The following SLC8A1 variants were observed in gnomAD, a reference collection of about 807,000 sequenced individuals.
SLC8A1 encodes sodium/calcium exchanger 1.
SLC8A1 carries 18 observed loss-of-function variants against 68.3 expected under a neutral mutation model. The observed-to-expected ratio is 0.26, with a 90% confidence interval of 0.18 to 0.39. SLC8A1 has a LOEUF of 0.39. Among genes scored for constraint, SLC8A1 ranks in the 10% least tolerant of loss-of-function variants. SLC8A1 has a pLI of 1.00. For synonymous variants in SLC8A1, 475 were observed against 415.5 expected, an observed-to-expected ratio of 1.14 and a Z score of -1.74; for missense variants, 985 against 1,156.7, an observed-to-expected ratio of 0.85 and a Z score of 2.15.
intron 2 of SLC8A1, among the ~76,000 whole-genome samples, chr2:40,287,594 G>GTGTGTGTGTGTA (rs2068541638): frequency 7.1e-6 from 1 of 140,680 alleles, no homozygotes; most frequent in African/African-American, 3.2e-5. Context: ...GTGTGTGTGT[G>GTGTGTGTGTGTA]TGTGTGTGTG....
intron 1 of SLC8A1, among the ~76,000 whole-genome samples, chr2:40,449,712 A>G (rs1446851871): frequency 6.6e-6 from 1 of 152,180 alleles, no homozygotes; most frequent in Non-Finnish European, 1.5e-5. Context: ...ATAGAAAATA[A>G]GCCTTCATAT....
chr2:40,327,101 A>G (rs1271806432), intron 2 of SLC8A1, among the ~76,000 whole-genome samples: 1 of 152,260 alleles, frequency 6.6e-6, no homozygotes, highest in African/African-American at 2.4e-5. Flanking sequence ...CTTAAATTAT[A>G]TAATTTTAAT....
intron 2 of SLC8A1, among the ~76,000 whole-genome samples, chr2:40,381,637 G>A (rs989777693): frequency 6.6e-6 from 1 of 151,786 alleles, no homozygotes; most frequent in South Asian, 2.1e-4. Flanking sequence ...CTGTCCTATA[G>A]AACAGATGTT....
intron 2 of SLC8A1, among the ~76,000 whole-genome samples, chr2:40,425,199 T>A (rs1696533770): frequency 6.6e-6 from 1 of 151,898 alleles, no homozygotes; most frequent in Non-Finnish European, 1.5e-5. Flanking sequence ...TAAAATGTTT[T>A]GCTGAGAATA....
intron 2 of SLC8A1, among the ~76,000 whole-genome samples, chr2:40,292,897 A>G (rs77933473): frequency 0.032 from 4,900 of 152,266 alleles, 279 homozygotes; most frequent in African/African-American, 0.11. Flanking sequence ...CAGGTAGGGC[A>G]TAGAGAATAC....
chr2:40,119,008 C>G (rs892979946), intron 7 of SLC8A1, among the ~76,000 whole-genome samples: 5 of 152,068 alleles, frequency 3.3e-5, no homozygotes, highest in African/African-American at 1.2e-4. Context: ...ATCAAAGACT[C>G]CTGGGTCTGG....
chr2:40,451,846 G>A (rs917167878), intron 1 of SLC8A1, 58 bp downstream of exon 1: 1 of 152,688 alleles, frequency 6.5e-6, no homozygotes, highest in Admixed American at 6.6e-5. Context: ...GCAGCAAATG[G>A]AAAATAGTTC....
intron 2 of SLC8A1, among the ~76,000 whole-genome samples, chr2:40,208,153 G>A (rs1357073678): frequency 6.6e-6 from 1 of 152,132 alleles, no homozygotes; most frequent in African/African-American, 2.4e-5. Flanking sequence ...GGTGTTAGTA[G>A]TGTCCAGCTT....
intron 7 of SLC8A1, chr2:40,116,747 T>G (rs1323350466): frequency 6.6e-6 from 1 of 152,260 alleles, no homozygotes; most frequent in African/African-American, 2.4e-5. Context: ...CCTTTCACTG[T>G]GCTGTGGGCA....
intron 1 of SLC8A1, among the ~76,000 whole-genome samples, chr2:40,503,922 CGAT>C (rs1274749135): frequency 6.6e-6 from 1 of 151,876 alleles, no homozygotes; most frequent in African/African-American, 2.4e-5. Context: ...ATCAAAATGC[CGAT>C]GACATTCTTC....
intron 2 of SLC8A1, among the ~76,000 whole-genome samples, chr2:40,207,378 T>G (rs1195000209): frequency 4.6e-5 from 7 of 152,042 alleles, no homozygotes; most frequent in Non-Finnish European, 1.0e-4. Flanking sequence ...ACAAAGATAC[T>G]GGCTTTCTGA....
At chr2:40,338,032 T>G (rs575912264) in intron 2 of SLC8A1, among the ~76,000 whole-genome samples, 14 of 152,112 alleles carry the variant, frequency 9.2e-5, no homozygotes, top group African/African-American at 3.4e-4. Context: ...CATCTGAACT[T>G]AGGAAATAAT....
intron 2 of SLC8A1, among the ~76,000 whole-genome samples, chr2:40,237,502 T>G (rs2060558446): frequency 6.6e-6 from 1 of 152,024 alleles, no homozygotes; most frequent in Admixed American, 6.5e-5. Context: ...AGTTATACAT[T>G]CTTCTAAATT....
At chr2:40,299,794 T>C (rs1344355990) in intron 2 of SLC8A1, among the ~76,000 whole-genome samples, 3 of 152,192 alleles carry the variant, frequency 2.0e-5, no homozygotes, top group Non-Finnish European at 2.9e-5. Context: ...CCTTTTTCTA[T>C]ACTTAGGACA....
At chr2:40,383,002 A>G (rs1049663008) in intron 2 of SLC8A1, among the ~76,000 whole-genome samples, 3 of 152,094 alleles carry the variant, frequency 2.0e-5, no homozygotes, top group African/African-American at 7.2e-5. Flanking sequence ...TATGGCATTT[A>G]TTGTTGACAT....
intron 2 of SLC8A1, among the ~76,000 whole-genome samples, chr2:40,181,705 A>C (rs2049598509): frequency 6.6e-6 from 1 of 152,244 alleles, no homozygotes; most frequent in African/African-American, 2.4e-5. Flanking sequence ...TTAAATCAAC[A>C]GAGGCAAAAA....
At chr2:40,451,680 A>T (rs1270357735) in intron 1 of SLC8A1, among the ~76,000 whole-genome samples, 1 of 150,342 alleles carries the variant, frequency 6.7e-6, no homozygotes, top group Non-Finnish European at 1.5e-5. Flanking sequence ...AGCCCGAGCA[A>T]TTTCACTCTG....
intron 1 of SLC8A1, among the ~76,000 whole-genome samples, chr2:40,448,056 A>G (rs775116522): frequency 1.2e-4 from 19 of 152,254 alleles, no homozygotes; most frequent in Non-Finnish European, 2.4e-4. Flanking sequence ...CTCTGCAAAG[A>G]GAACTTACAA....
intron 2 of SLC8A1, among the ~76,000 whole-genome samples, chr2:40,414,005 G>C (rs1375486106): frequency 6.6e-6 from 1 of 152,054 alleles, no homozygotes; most frequent in Admixed American, 6.6e-5. Flanking sequence ...AAGAAAATTT[G>C]TAAGAATTAT....
Sources: allele counts gnomAD v4.1 joint callset (sites outside exome capture counted in the v4.1 genomes callset), GRCh38; gene constraint gnomAD v4.1.1; transcripts MANE v1.5; gene names NCBI Gene and HGNC (gene_info 2026-07-23, HGNC 2026-07-21).